The following CFAP299 variants were observed in gnomAD, a reference collection of about 807,000 sequenced individuals.
CFAP299 encodes the protein cilia- and flagella-associated protein 299.
Under a neutral mutation model 27.0 loss-of-function variants are expected in CFAP299, and 21 were observed. The observed-to-expected ratio is 0.78, with a 90% confidence interval of 0.55 to 1.12. The LOEUF is 1.12. Among genes scored for constraint, CFAP299 ranks in the 50% most tolerant of loss-of-function variants. The pLI is 0.00. For synonymous variants in CFAP299, 104 were observed against 98.1 expected, an observed-to-expected ratio of 1.06 and a Z score of -0.36; for missense variants, 310 against 276.6, an observed-to-expected ratio of 1.12 and a Z score of -0.86.
At chr4:80,618,821 T>C (rs1028065642) in intron 3 of CFAP299, among the ~76,000 whole-genome samples, 1 of 152,050 alleles carries the variant, frequency 6.6e-6, no homozygotes, top group African/African-American at 2.4e-5. Context: ...TAAGGGTAAG[T>C]ATAATATAAT....
At chr4:80,865,417 A>G (rs938594740) in intron 3 of CFAP299, among the ~76,000 whole-genome samples, 1 of 152,188 alleles carries the variant, frequency 6.6e-6, no homozygotes, top group Admixed American at 6.5e-5. Context: ...GTTCTTGACA[A>G]CTATTAATAT....
At chr4:80,348,412 A>T (rs1276600211) in intron 1 of CFAP299, among the ~76,000 whole-genome samples, 1 of 152,236 alleles carries the variant, frequency 6.6e-6, no homozygotes, top group Non-Finnish European at 1.5e-5. Flanking sequence ...AATATCCAGA[A>T]TCTACAAGAA....
the CFAP299 span, among the ~76,000 whole-genome samples, chr4:80,327,701 TATATATATATATATATATATAA>T: frequency 3.3e-5 from 2 of 61,178 alleles, no homozygotes; most frequent in African/African-American, 1.2e-4. Flanking sequence ...TATATATATA[TATATATATATATATATATATAA>T]CTTCAATACA....
At chr4:80,725,960 C>A (rs77440054) in intron 3 of CFAP299, among the ~76,000 whole-genome samples, 2,852 of 152,318 alleles carry the variant, frequency 0.019, 53 homozygotes, top group Admixed American at 0.058. Context: ...AACTCACTGG[C>A]AGCTACATGC....
At chr4:80,490,310 AT>A (rs1319825256) in intron 2 of CFAP299, among the ~76,000 whole-genome samples, 4 of 152,316 alleles carry the variant, frequency 2.6e-5, no homozygotes, top group East Asian at 3.9e-4. Context: ...TTTGAAAAAA[AT>A]GTATGTCACC....
chr4:80,468,833 CAAAAAAAAAAAA>C (rs762711937), intron 2 of CFAP299, among the ~76,000 whole-genome samples: 1 of 70,512 alleles, frequency 1.4e-5, no homozygotes, highest in Non-Finnish European at 2.9e-5. Flanking sequence ...GACTCTGTCT[CAAAAAAAAAAAA>C]AAAAAAAAAG....
At chr4:80,720,988 G>A (rs1722777931) in intron 3 of CFAP299, among the ~76,000 whole-genome samples, 1 of 152,062 alleles carries the variant, frequency 6.6e-6, no homozygotes, top group Non-Finnish European at 1.5e-5. Context: ...AAATATACTG[G>A]ATATAGCTAA....
At chr4:80,556,826 T>G (rs1395606436) in intron 2 of CFAP299, among the ~76,000 whole-genome samples, 3 of 151,992 alleles carry the variant, frequency 2.0e-5, no homozygotes, top group Non-Finnish European at 1.5e-5. Flanking sequence ...TCAATAAGAC[T>G]TAAGACAGCA....
intron 2 of CFAP299, among the ~76,000 whole-genome samples, chr4:80,539,920 C>A (rs1019750003): frequency 3.3e-5 from 5 of 152,160 alleles, no homozygotes; most frequent in African/African-American, 1.2e-4. Context: ...AGCAAGCCGA[C>A]TGAGAATGCT....
At chr4:80,372,944 A>T (rs1724218699) in intron 2 of CFAP299, among the ~76,000 whole-genome samples, 1 of 152,212 alleles carries the variant, frequency 6.6e-6, no homozygotes, top group Non-Finnish European at 1.5e-5. Flanking sequence ...TATCTATCTG[A>T]AGACACATTA....
At position 80,730,696 on chromosome 4, in the gene CFAP299, T is replaced by G. The variant is rs527532177; in HGVS notation, c.334-139297T>G. Among the ~76,000 whole-genome samples, 100 of 152,268 alleles carry G rather than the reference T, an allele frequency of 6.6e-4. No homozygotes were observed. The Middle Eastern group carries it at 0.01, about 16-fold the overall frequency. ...GGTAACCTAGGTAGGGTCCAGAGTC[T>G]TGACTCACAGAAACTGTCAGATAAT... On this transcript the variant is annotated intron_variant, in intron 3 of 5. Coordinates refer to ENST00000358105, the MANE Select transcript of CFAP299 (RefSeq NM_152770.3).
chr4:80,554,948 G>C (rs1734714128), intron 2 of CFAP299, among the ~76,000 whole-genome samples: 1 of 152,164 alleles, frequency 6.6e-6, no homozygotes, highest in South Asian at 2.1e-4. Flanking sequence ...TCTGCAAACA[G>C]GGATAGTTTG....
At chr4:80,332,927 C>T (rs1721992181), upstream of CFAP299, among the ~76,000 whole-genome samples, 1 of 152,114 alleles carries the variant, frequency 6.6e-6, no homozygotes, top group Non-Finnish European at 1.5e-5. Context: ...CTTATAGAGC[C>T]ACAGAGAGCC....
the CFAP299 span, among the ~76,000 whole-genome samples, chr4:80,329,625 T>C: frequency 6.6e-6 from 1 of 152,108 alleles, no homozygotes; most frequent in African/African-American, 2.4e-5. Flanking sequence ...TGAGCATGAG[T>C]TGAATTAGCT....
Position 80,416,293 on chromosome 4 carries a change from G to A in CFAP299, c.242+53409G>A, listed in dbSNP as rs574682086. Among the ~76,000 whole-genome samples, 63 of 152,218 alleles carry A rather than the reference G, an allele frequency of 4.1e-4. 1 individual carries two copies. The highest frequency in any genetic ancestry group is 8.5e-4 in the Admixed American group (13 of 15,296). The stretch of plus-strand genomic sequence containing the variant: ...TTTTGTTATGTAACAAACATGTTAC[G>A]AATTCATGTCCTGATCATAATTTAC... On this transcript the variant is annotated intron_variant, in intron 2 of 5. Coordinates refer to ENST00000358105, the MANE Select transcript of CFAP299 (RefSeq NM_152770.3).
intron 2 of CFAP299, among the ~76,000 whole-genome samples, chr4:80,487,706 T>C (rs1730898864): frequency 6.6e-6 from 1 of 152,236 alleles, no homozygotes. Flanking sequence ...TGAATTTCTC[T>C]GTTTTGTTCA....
intron 3 of CFAP299, among the ~76,000 whole-genome samples, chr4:80,825,800 A>G (rs777350717): frequency 8.6e-5 from 13 of 151,986 alleles, no homozygotes; most frequent in Non-Finnish European, 1.6e-4. Context: ...AAGCCATATG[A>G]AGAAATAAAT....
At chr4:80,635,231 G>A (rs1223811850) in intron 3 of CFAP299, among the ~76,000 whole-genome samples, 1 of 152,020 alleles carries the variant, frequency 6.6e-6, no homozygotes, top group Non-Finnish European at 1.5e-5. Flanking sequence ...CAGCTTATCT[G>A]GAATTTAATA....
intron 3 of CFAP299, among the ~76,000 whole-genome samples, chr4:80,602,722 G>C (rs1005748033): frequency 6.6e-6 from 1 of 151,968 alleles, no homozygotes; most frequent in African/African-American, 2.4e-5. Flanking sequence ...ACAGCCTCTG[G>C]GGCCCAGAGG....
Sources: allele counts gnomAD v4.1 joint callset (sites outside exome capture counted in the v4.1 genomes callset), GRCh38; gene constraint gnomAD v4.1.1; transcripts MANE v1.5; gene names NCBI Gene and HGNC (gene_info 2026-07-23, HGNC 2026-07-21).